The following HS3ST5 variants were observed in gnomAD, a reference collection of about 807,000 sequenced individuals.
HS3ST5 encodes heparan sulfate glucosamine 3-O-sulfotransferase 5.
HS3ST5 carries 10 observed loss-of-function variants against 25.4 expected under a neutral mutation model. That is an observed-to-expected ratio of 0.39 (90% CI 0.24 to 0.67). HS3ST5 has a LOEUF of 0.67. HS3ST5 is among the 30% of genes least tolerant of loss of function. The probability of loss-of-function intolerance (pLI) is 0.44; values close to 1 mark genes in which losing one functional copy is unlikely to be tolerated. For synonymous variants in HS3ST5, 170 were observed against 162.4 expected, an observed-to-expected ratio of 1.05 and a Z score of -0.36; for missense variants, 324 against 420.7, an observed-to-expected ratio of 0.77 and a Z score of 2.01.
At chr6:114,088,874 C>CT (rs1774982366) in intron 3 of HS3ST5, 1 of 152,108 alleles carries the variant, frequency 6.6e-6, no homozygotes. Flanking sequence ...AGAATCAACA[C>CT]TAAGAACATT....
intron 1 of HS3ST5, among the ~76,000 whole-genome samples, chr6:114,254,532 C>A (rs1468126872): frequency 6.6e-6 from 1 of 152,120 alleles, no homozygotes; most frequent in Non-Finnish European, 1.5e-5. Context: ...GCTTAGGAGG[C>A]AGAATTGGCA....
At chr6:114,084,624 G>T (rs570825313) in intron 3 of HS3ST5, 4 of 805,072 alleles carry the variant, frequency 5.0e-6, no homozygotes, top group Non-Finnish European at 8.8e-6. Context: ...GCAATGCTAG[G>T]TAGGTTAACA....
chr6:114,329,300 T>C (rs1776296965), intron 1 of HS3ST5, among the ~76,000 whole-genome samples: 2 of 152,250 alleles, frequency 1.3e-5, no homozygotes, highest in African/African-American at 4.8e-5. Context: ...CTTTGAAATT[T>C]GCAAATCAAA....
intron 3 of HS3ST5, among the ~76,000 whole-genome samples, chr6:114,114,257 C>T (rs1051405348): frequency 1.6e-4 from 24 of 152,126 alleles, no homozygotes; most frequent in African/African-American, 5.8e-4. Context: ...ACAAATATTT[C>T]TTGCCTCACT....
chr6:114,190,476 T>G (rs1264813517), intron 2 of HS3ST5, among the ~76,000 whole-genome samples: 2 of 152,160 alleles, frequency 1.3e-5, no homozygotes, highest in Non-Finnish European at 2.9e-5. Flanking sequence ...TACATGTGTG[T>G]GCCTTTTAAA....
chr6:114,173,951 C>CT (rs1779597749), intron 2 of HS3ST5, among the ~76,000 whole-genome samples: 2 of 152,120 alleles, frequency 1.3e-5, no homozygotes, highest in Admixed American at 6.5e-5. Flanking sequence ...CAGACTCTGC[C>CT]TATTGGAAAT....
intron 1 of HS3ST5, among the ~76,000 whole-genome samples, chr6:114,280,282 CA>C (rs1208730038): frequency 1.3e-5 from 2 of 151,864 alleles, no homozygotes; most frequent in Non-Finnish European, 2.9e-5. Context: ...CCCCAGGATA[CA>C]GGGGGTGATA....
At chr6:114,124,257 C>A (rs1207723941) in intron 3 of HS3ST5, among the ~76,000 whole-genome samples, 1 of 152,130 alleles carries the variant, frequency 6.6e-6, no homozygotes, top group Non-Finnish European at 1.5e-5. Flanking sequence ...CATACAATCC[C>A]AGCTCCTGAG....
At chr6:114,115,621 A>G (rs1016416960) in intron 3 of HS3ST5, among the ~76,000 whole-genome samples, 1 of 152,136 alleles carries the variant, frequency 6.6e-6, no homozygotes, top group African/African-American at 2.4e-5. Flanking sequence ...AAACATGGCT[A>G]ACTTGCTGTG....
At chr6:114,063,231 T>A (rs1280383426) in intron 3 of HS3ST5, among the ~76,000 whole-genome samples, 1 of 152,160 alleles carries the variant, frequency 6.6e-6, no homozygotes, top group South Asian at 2.1e-4. Context: ...AATGAGCAAC[T>A]TGGCCGGGTA....
At chr6:114,192,033 T>C (rs1780529739) in intron 2 of HS3ST5, among the ~76,000 whole-genome samples, 1 of 152,072 alleles carries the variant, frequency 6.6e-6, no homozygotes, top group Non-Finnish European at 1.5e-5. Context: ...AGAGAGAAAA[T>C]ATTTTTCTGT....
chr6:114,153,960 G>A (rs1001073384), intron 3 of HS3ST5, among the ~76,000 whole-genome samples: 3 of 152,148 alleles, frequency 2.0e-5, no homozygotes, highest in African/African-American at 7.2e-5. Context: ...GTTATCAAGG[G>A]GGCTCAGGGG....
intron 3 of HS3ST5, among the ~76,000 whole-genome samples, chr6:114,095,941 G>A (rs563045882): frequency 6.6e-6 from 1 of 152,188 alleles, no homozygotes; most frequent in Non-Finnish European, 1.5e-5. Flanking sequence ...ATCATTTACA[G>A]TATAGTTCCT....
intron 2 of HS3ST5, among the ~76,000 whole-genome samples, chr6:114,176,533 C>T (rs1779732016): frequency 6.6e-6 from 1 of 152,126 alleles, no homozygotes; most frequent in Non-Finnish European, 1.5e-5. Flanking sequence ...ACTAATTTTG[C>T]TTTTCATTCA....
intron 2 of HS3ST5, among the ~76,000 whole-genome samples, chr6:114,199,761 T>C (rs944259007): frequency 6.6e-6 from 1 of 152,206 alleles, no homozygotes; most frequent in Non-Finnish European, 1.5e-5. Flanking sequence ...TTTTGTCAGC[T>C]TTATGTCTCA....
intron 1 of HS3ST5, among the ~76,000 whole-genome samples, chr6:114,254,453 A>G (rs1226143595): frequency 2.0e-5 from 3 of 152,234 alleles, no homozygotes; most frequent in Non-Finnish European, 2.9e-5. Flanking sequence ...GCAAGTCAAG[A>G]AAGAGAGTTG....
intron 1 of HS3ST5, among the ~76,000 whole-genome samples, chr6:114,245,901 AC>A (rs1417508785): frequency 3.3e-5 from 5 of 152,166 alleles, no homozygotes; most frequent in Non-Finnish European, 5.9e-5. Context: ...TTCTGGAAAA[AC>A]ACTATGCTTT....
Position 114,341,222 on chromosome 6 carries a change from G to GAGAGAGA in HS3ST5, c.-339+972_-339+973insTCTCTCT, listed in dbSNP as rs1776838943. ...AGGGAGAGGGAATAGGGAGAGAGGG[G>GAGAGAGA]GAGAGAGAGAGAGAGAGAGAGAGAG... On this transcript the variant is annotated intron_variant, in intron 1 of 4. Coordinates refer to ENST00000312719, the MANE Select transcript of HS3ST5 (RefSeq NM_153612.4). Among the ~76,000 whole-genome samples, 56 of 46,638 alleles carry GAGAGAGA rather than the reference G, an allele frequency of 1.2e-3. 3 individuals carry two copies. Among genetic ancestry groups the GAGAGAGA allele is most frequent in the African/African-American group, 6.5e-3 (52 of 8,030 alleles). 30.6% of individuals were successfully genotyped at this position (46,638 alleles called of 152,430 possible).
rs145394128 is a variant in HS3ST5, at chr6:114,151,735, C to A, written c.-33+16616G>T. On this transcript the variant is annotated intron_variant, in intron 3 of 4. Coordinates refer to ENST00000312719, the MANE Select transcript of HS3ST5 (RefSeq NM_153612.4). The stretch of plus-strand genomic sequence containing the variant: ...TTTAAAGCTCCTTTGAAAGAAGACA[C>A]TCCCAAATTATGTAAAATGTAGAAA... Among the ~76,000 whole-genome samples the A allele has an allele frequency of 3.9e-5, 6 of 152,256 alleles. No individual in the cohort carries two copies. The East Asian group carries it at 1.2e-3, about 29-fold the overall frequency.
Sources: gnomAD v4.1 joint callset for allele counts (sites outside exome capture counted in the v4.1 genomes callset) on GRCh38, gnomAD v4.1.1 for gene constraint, MANE v1.5 for transcripts, NCBI Gene and HGNC (gene_info 2026-07-23, HGNC 2026-07-21) for gene names.